The following BMPER variants were observed in gnomAD, a reference collection of about 807,000 sequenced individuals.
The protein encoded by BMPER is BMP-binding endothelial regulator protein.
A neutral mutation model predicts 87.3 loss-of-function variants in BMPER; 45 were observed. The ratio of observed to expected loss-of-function variants is 0.52; its 90% CI spans 0.41 to 0.66. The LOEUF (loss-of-function observed/expected upper bound fraction) is 0.66. BMPER is among the 30% of genes least tolerant of loss of function. The pLI, the probability that BMPER is intolerant of heterozygous loss-of-function variation, is 0.00. For synonymous variants in BMPER, 326 were observed against 316.2 expected, an observed-to-expected ratio of 1.03 and a Z score of -0.33; for missense variants, 784 against 867.5, an observed-to-expected ratio of 0.90 and a Z score of 1.21.
intron 2 of BMPER, among the ~76,000 whole-genome samples, chr7:33,920,512 A>G (rs1237224207): frequency 1.5e-5 from 2 of 130,006 alleles, no homozygotes; most frequent in Non-Finnish European, 3.1e-5. Flanking sequence ...TGCAACCTCC[A>G]CCTCCTGGGT....
At chr7:34,058,012 C>T in intron 9 of BMPER, 47 bp from the exon 10 acceptor site, 1 of 1,564,592 alleles carries the variant, frequency 6.4e-7, no homozygotes, top group Non-Finnish European at 8.8e-7. Context: ...TGCCTCAACT[C>T]CTGTCAGCCT....
chr7:33,907,183 T>C (rs2128600426), intron 2 of BMPER, among the ~76,000 whole-genome samples: 1 of 152,320 alleles, frequency 6.6e-6, no homozygotes, highest in East Asian at 1.9e-4. Context: ...TGACAGTTTG[T>C]AATGTCTGTT....
chr7:34,103,037 GTT>G (rs1460637221), intron 13 of BMPER, among the ~76,000 whole-genome samples: 1 of 152,106 alleles, frequency 6.6e-6, no homozygotes, highest in African/African-American at 2.4e-5. Flanking sequence ...CACTTGGAGA[GTT>G]TGAAAAATAC....
chr7:33,996,703 A>G (rs529151344), intron 6 of BMPER, among the ~76,000 whole-genome samples: 2 of 152,348 alleles, frequency 1.3e-5, no homozygotes, highest in East Asian at 3.9e-4. Flanking sequence ...TAGCTGCGTT[A>G]CTGTAAGTTT....
intron 13 of BMPER, among the ~76,000 whole-genome samples, chr7:34,134,813 A>G (rs925575750): frequency 6.6e-6 from 1 of 152,210 alleles, no homozygotes; most frequent in Non-Finnish European, 1.5e-5. Context: ...CATGCGTGAT[A>G]GCTGTTTGGT....
chr7:34,149,775 A>G (rs1052398990), intron 14 of BMPER, among the ~76,000 whole-genome samples: 5 of 152,136 alleles, frequency 3.3e-5, no homozygotes, highest in Non-Finnish European at 1.5e-5. Context: ...GTTGGTGGAT[A>G]TGGACATTAG....
At chr7:34,003,192 CATATATACACACACACACAT>C (rs1786632043) in intron 6 of BMPER, among the ~76,000 whole-genome samples, 1 of 151,494 alleles carries the variant, frequency 6.6e-6, no homozygotes. Context: ...CACACACACA[CATATATACACACACACACAT>C]ATATATACAC....
chr7:34,132,375 C>T, intron 13 of BMPER, among the ~76,000 whole-genome samples: 1 of 152,002 alleles, frequency 6.6e-6, no homozygotes. Flanking sequence ...GAAGCCAGTT[C>T]TGCCCTGCTC....
At chr7:34,074,700 C>G (rs1306699760) in intron 11 of BMPER, among the ~76,000 whole-genome samples, 1 of 152,182 alleles carries the variant, frequency 6.6e-6, no homozygotes, top group Non-Finnish European at 1.5e-5. Flanking sequence ...GTATGATGAG[C>G]TGGAGAGACC....
At chr7:33,907,423 T>C (rs1585623108) in intron 2 of BMPER, among the ~76,000 whole-genome samples, 1 of 152,182 alleles carries the variant, frequency 6.6e-6, no homozygotes, top group Admixed American at 6.5e-5. Flanking sequence ...CCCTAAACCC[T>C]CAAATACTGT....
chr7:34,121,477 A>G (rs926903895), intron 13 of BMPER, among the ~76,000 whole-genome samples: 1 of 152,220 alleles, frequency 6.6e-6, no homozygotes, highest in Non-Finnish European at 1.5e-5. Flanking sequence ...TTTAACTTAA[A>G]AAGTGACTTG....
At chr7:33,984,739 A>G (rs1474106912) in intron 6 of BMPER, among the ~76,000 whole-genome samples, 1 of 152,248 alleles carries the variant, frequency 6.6e-6, no homozygotes, top group Non-Finnish European at 1.5e-5. Flanking sequence ...TAGAGTTGGT[A>G]GAAGAATTAG....
intron 6 of BMPER, among the ~76,000 whole-genome samples, chr7:34,006,727 G>A (rs540419956): frequency 8.5e-5 from 13 of 152,156 alleles, no homozygotes; most frequent in African/African-American, 2.4e-4. Flanking sequence ...TTCAGTTATG[G>A]ACGTCTGTGT....
At chr7:33,905,378 G>T, upstream of BMPER, 2 of 294,198 alleles carry the variant, frequency 6.8e-6, no homozygotes, top group South Asian at 3.2e-5. Context: ...AAAAAAAGCC[G>T]CATCGGAGGA....
At position 33,905,762 on chromosome 7, in the gene BMPER, G is replaced by A; in HGVS notation, c.133+16G>A. On this transcript the variant is annotated intron_variant, in intron 1 of 14. Coordinates refer to ENST00000649409, the MANE Select transcript of BMPER (RefSeq NM_001365308.1). ...TTCTTGACAGGTAGGGGAGGGGGCG[G>A]GAGGGACCGGCCCTCCGGGACGCCG... is the stretch of plus-strand genomic sequence containing the variant. 1 of 1,591,464 alleles carries A rather than the reference G, an allele frequency of 6.3e-7. No homozygotes were observed. Among genetic ancestry groups the A allele is most frequent in the Non-Finnish European group, 8.6e-7 (1 of 1,162,788 alleles).
chr7:34,016,512 T>C (rs796487379), intron 6 of BMPER, among the ~76,000 whole-genome samples: 14 of 152,124 alleles, frequency 9.2e-5, no homozygotes, highest in African/African-American at 2.9e-4. Context: ...TCTGGCACTT[T>C]TTCAACTCTT....
At chr7:33,936,119 C>T (rs1032038701) in intron 2 of BMPER, among the ~76,000 whole-genome samples, 28 of 152,256 alleles carry the variant, frequency 1.8e-4, no homozygotes, top group African/African-American at 6.7e-4. Flanking sequence ...GTGAGATCTT[C>T]TTAGTCTCAT....
intron 6 of BMPER, among the ~76,000 whole-genome samples, chr7:33,995,058 T>G (rs1251784642): frequency 6.6e-6 from 1 of 152,188 alleles, no homozygotes; most frequent in Non-Finnish European, 1.5e-5. Flanking sequence ...ACTGTAAAAT[T>G]TACTCTTTTT....
chr7:33,911,862 T>G (rs920800209), intron 2 of BMPER, among the ~76,000 whole-genome samples: 1 of 152,218 alleles, frequency 6.6e-6, no homozygotes, highest in African/African-American at 2.4e-5. Context: ...TTTTAAAAAT[T>G]CTTATTTCCT....
Sources: gnomAD v4.1 joint callset for allele counts (sites outside exome capture counted in the v4.1 genomes callset) on GRCh38, gnomAD v4.1.1 for gene constraint, MANE v1.5 for transcripts, NCBI Gene and HGNC (gene_info 2026-07-23, HGNC 2026-07-21) for gene names.